Variants in CNTNAP5 observed in about 807,000 individuals in gnomAD.
The protein encoded by CNTNAP5 is contactin-associated protein-like 5.
Under a neutral mutation model 150.2 loss-of-function variants are expected in CNTNAP5, and 72 were observed. That is an observed-to-expected ratio of 0.48 (90% confidence interval 0.40 to 0.58). The LOEUF (loss-of-function observed/expected upper bound fraction) is 0.58, where lower values mean the gene tolerates loss of function less well. Among genes scored for constraint, CNTNAP5 ranks in the 20% least tolerant of loss-of-function variants. The pLI is 0.00. For missense variants in CNTNAP5, 1,636 were observed against 1,626.2 expected, an observed-to-expected ratio of 1.01 and a Z score of -0.10; for synonymous variants, 672 against 619.8, an observed-to-expected ratio of 1.08 and a Z score of -1.25.
chr2:124,231,095 G>A (rs998212688), intron 2 of CNTNAP5, among the ~76,000 whole-genome samples: 10 of 152,278 alleles, frequency 6.6e-5, no homozygotes, highest in South Asian at 2.1e-4. Context: ...CTTCTACCCA[G>A]AACTCCTGGA....
chr2:124,549,745 T>G (rs1204928281), intron 10 of CNTNAP5, among the ~76,000 whole-genome samples: 1 of 152,230 alleles, frequency 6.6e-6, no homozygotes, highest in African/African-American at 2.4e-5. Context: ...AATTTGAGAA[T>G]CGTTTGCATT....
intron 3 of CNTNAP5, among the ~76,000 whole-genome samples, chr2:124,414,419 C>G (rs1279261996): frequency 2.6e-5 from 4 of 152,104 alleles, no homozygotes; most frequent in Admixed American, 6.5e-5. Context: ...TGGGACCATG[C>G]ATTGAAAACT....
intron 1 of CNTNAP5, among the ~76,000 whole-genome samples, chr2:124,043,576 TCTC>T (rs1681447475): frequency 1.3e-5 from 2 of 152,214 alleles, no homozygotes; most frequent in Non-Finnish European, 2.9e-5. Context: ...ATCATCATGT[TCTC>T]CTATTTGTAG....
intron 13 of CNTNAP5, among the ~76,000 whole-genome samples, chr2:124,686,315 C>G (rs1421414460): frequency 6.6e-6 from 1 of 152,012 alleles, no homozygotes; most frequent in Non-Finnish European, 1.5e-5. Context: ...GCAGCATGAT[C>G]TCAAGAAAGA....
chr2:124,048,121 G>A (rs989633068), intron 1 of CNTNAP5, among the ~76,000 whole-genome samples: 1 of 152,130 alleles, frequency 6.6e-6, no homozygotes, highest in Non-Finnish European at 1.5e-5. Flanking sequence ...CTTGTCATAT[G>A]CATATCTTTA....
At chr2:124,406,363 T>C (rs934962585) in intron 3 of CNTNAP5, among the ~76,000 whole-genome samples, 1 of 152,204 alleles carries the variant, frequency 6.6e-6, no homozygotes, top group African/African-American at 2.4e-5. Context: ...TTCATATCCT[T>C]TCTGATTTTT....
At chr2:124,689,132 C>T (rs1287580780) in intron 13 of CNTNAP5, among the ~76,000 whole-genome samples, 5 of 152,192 alleles carry the variant, frequency 3.3e-5, no homozygotes, top group East Asian at 3.9e-4. Context: ...CATGCCACCA[C>T]GCCCAGCTCA....
rs537982396 is a variant in CNTNAP5 at position 124,847,675 on chromosome 2, C to A, written c.3218-17631C>A. On this transcript the variant is annotated intron_variant, in intron 19 of 23. Coordinates refer to ENST00000682447, the MANE Select transcript of CNTNAP5 (RefSeq NM_001367498.1). ...TACGTTCCTGTGGTAGTTCTTGGAG[C>A]AAAAGTTTACGACGTGAGTCTCCAC... 1.8e-4 allele frequency among the ~76,000 whole-genome samples: 28 copies of A among 152,232 alleles called. No homozygotes were observed. The South Asian group carries it at 5.6e-3, about 30-fold the overall frequency.
Position 124,655,945 on chromosome 2 carries a change from GAGAAAGAAAGAAAGAAAGAA to G in CNTNAP5, c.2077+8021_2077+8040del, listed in dbSNP as rs766640499. 1.1e-4 allele frequency among the ~76,000 whole-genome samples: 6 copies of G among 55,520 alleles called. No homozygotes were observed. The East Asian group carries it at 1.8e-3, about 17-fold the overall frequency. 36.4% of individuals were successfully genotyped at this position (55,520 alleles called of 152,430 possible). Reference sequence around the variant, plus strand: ...AGAAAGAGAGAGAGAGAGAGAGAGAGAGAAAGAAAGAAAGAAAGAAAGAAAGAAAGAAAGAAAGAAAGAAA... The same window carrying G: ...AGAAAGAGAGAGAGAGAGAGAGAGAGAGAAAGAAAGAAAGAAAGAAAGAAA... On this transcript the variant is annotated intron_variant, in intron 13 of 23. Coordinates refer to ENST00000682447, the MANE Select transcript of CNTNAP5 (RefSeq NM_001367498.1).
intron 19 of CNTNAP5, among the ~76,000 whole-genome samples, chr2:124,853,441 A>G (rs909356990): frequency 6.6e-5 from 10 of 152,278 alleles, no homozygotes; most frequent in Middle Eastern, 3.4e-3. Context: ...CCTACTTTTC[A>G]AAATGATGAG....
At chr2:124,668,051 A>T (rs1678736621) in intron 13 of CNTNAP5, among the ~76,000 whole-genome samples, 1 of 152,206 alleles carries the variant, frequency 6.6e-6, no homozygotes, top group Admixed American at 6.5e-5. Flanking sequence ...TCATTACAGG[A>T]AAGAGTGAAT....
intron 19 of CNTNAP5, among the ~76,000 whole-genome samples, chr2:124,822,385 A>G (rs1265503412): frequency 6.6e-6 from 1 of 152,134 alleles, no homozygotes. Flanking sequence ...GACTAGCTTT[A>G]TGGACAATTT....
At chr2:124,308,333 G>A (rs1446707869) in intron 3 of CNTNAP5, among the ~76,000 whole-genome samples, 1 of 151,996 alleles carries the variant, frequency 6.6e-6, no homozygotes, top group Admixed American at 6.6e-5. Context: ...CCCCTGCCCT[G>A]GTTTCTAACA....
chr2:124,775,552 T>C (rs966735679), intron 17 of CNTNAP5, among the ~76,000 whole-genome samples: 1 of 152,218 alleles, frequency 6.6e-6, no homozygotes, highest in Non-Finnish European at 1.5e-5. Context: ...GAGTGTTTCC[T>C]GAGTACCAGA....
intron 6 of CNTNAP5, 129 bp from the exon 7 acceptor site, chr2:124,474,610 A>T: frequency 1.5e-6 from 1 of 679,992 alleles, no homozygotes; most frequent in Non-Finnish European, 2.4e-6. Flanking sequence ...ATCAAGTAGC[A>T]TCTATAATTA....
At chr2:124,447,186 C>A (rs1692842399) in intron 6 of CNTNAP5, among the ~76,000 whole-genome samples, 1 of 115,900 alleles carries the variant, frequency 8.6e-6, no homozygotes. Context: ...AGCAGGTTTC[C>A]TTCTCATTTT....
intron 2 of CNTNAP5, among the ~76,000 whole-genome samples, chr2:124,232,101 T>A (rs1170597478): frequency 1.3e-5 from 2 of 152,170 alleles, no homozygotes; most frequent in Non-Finnish European, 2.9e-5. Flanking sequence ...ATCACTTTGA[T>A]GTTTCTAACA....
intron 12 of CNTNAP5, among the ~76,000 whole-genome samples, chr2:124,627,836 C>A (rs1051786966): frequency 6.6e-5 from 10 of 152,162 alleles, no homozygotes; most frequent in African/African-American, 2.4e-4. Context: ...ATTACAGCAG[C>A]TGTTAACTAG....
chr2:124,255,138 A>G (rs1687275715), intron 3 of CNTNAP5, among the ~76,000 whole-genome samples: 1 of 152,180 alleles, frequency 6.6e-6, no homozygotes, highest in African/African-American at 2.4e-5. Flanking sequence ...CTGTAATCTC[A>G]GCTACTCTGA....
Sources: allele counts gnomAD v4.1 joint callset (sites outside exome capture counted in the v4.1 genomes callset), GRCh38; gene constraint gnomAD v4.1.1; transcripts MANE v1.5; gene names NCBI Gene and HGNC (gene_info 2026-07-23, HGNC 2026-07-21).